N4BP2L2: variants seen among roughly 807,000 people sequenced by gnomAD.
The protein encoded by N4BP2L2 is NEDD4-binding protein 2-like 2.
A neutral mutation model predicts 56.2 loss-of-function variants in N4BP2L2; 50 were observed. That is an observed-to-expected ratio of 0.89 (90% CI 0.71 to 1.13). N4BP2L2 has a LOEUF of 1.13. Among genes scored for constraint, N4BP2L2 ranks in the 50% most tolerant of loss-of-function variants. The pLI is 0.00. For missense variants in N4BP2L2, 689 were observed against 693.8 expected (o/e 0.99, Z 0.08); for synonymous variants, 203 against 223.6 (o/e 0.91, Z 0.82).
At position 32,443,903 on chromosome 13, in the gene N4BP2L2, G is replaced by A; in HGVS notation, c.589C>T (p.Gln197Ter). ...GTCACAAAATCTCCGACTTCATTTT[G>A]TAGACCATCAATGAAGGGATATTCT... is the stretch of plus-strand genomic sequence containing the variant. The change falls in exon 7 of 10, where the codon CAA (glutamine) becomes TAA (stop). Residue 197 changes from glutamine to a stop codon, truncating the protein, a stop_gained. Transcript: ENST00000357505. LOFTEE classifies it high-confidence loss of function. 1 of 1,571,672 alleles carries A rather than the reference G, an allele frequency of 6.4e-7. No homozygotes were observed. Among genetic ancestry groups the A allele is most frequent in the Non-Finnish European group, 8.6e-7 (1 of 1,160,104 alleles).
chr13:32,527,434 T>A (rs1161021769), exon 3 of N4BP2L2: 5 of 1,613,928 alleles, frequency 3.1e-6, no homozygotes, highest in Middle Eastern at 1.6e-4. Flanking sequence ...GTCATGGGCA[T>A]CACCAAGTTG....
chr13:32,457,264 T>C (rs2079132235), intron 6 of N4BP2L2, among the ~76,000 whole-genome samples: 1 of 152,048 alleles, frequency 6.6e-6, no homozygotes. Context: ...ATACACAAAT[T>C]TGGAGAGTTC....
At chr13:32,472,599 C>G (rs2082521293) in intron 6 of N4BP2L2, among the ~76,000 whole-genome samples, 1 of 151,740 alleles carries the variant, frequency 6.6e-6, no homozygotes, top group South Asian at 2.1e-4. Context: ...GATATGCCAC[C>G]TGGCCTAGAG....
chr13:32,521,540 C>T, intron 4 of N4BP2L2, 91 bp from the exon 5 acceptor site: 2 of 816,840 alleles, frequency 2.4e-6, no homozygotes, highest in Non-Finnish European at 4.0e-6. Context: ...TTCGACAATA[C>T]TATACACTTG....
chr13:32,491,930 G>A (rs1490310711), intron 6 of N4BP2L2, among the ~76,000 whole-genome samples: 4 of 151,732 alleles, frequency 2.6e-5, no homozygotes, highest in Non-Finnish European at 5.9e-5. Context: ...GCACCCGGCC[G>A]AAAAAAGTAT....
exon 7 of N4BP2L2, chr13:32,443,973 T>G (rs1593421476): frequency 6.2e-7 from 1 of 1,606,908 alleles, no homozygotes. Flanking sequence ...CACTCTGAGA[T>G]GGGTCCTGAT....
intron 6 of N4BP2L2, among the ~76,000 whole-genome samples, chr13:32,497,378 G>A (rs1374682192): frequency 6.6e-6 from 1 of 152,166 alleles, no homozygotes; most frequent in African/African-American, 2.4e-5. Context: ...TTGCTCCCAA[G>A]ATTTTAGTTT....
intron 6 of N4BP2L2, among the ~76,000 whole-genome samples, chr13:32,459,799 C>T (rs2079680341): frequency 6.6e-6 from 1 of 152,132 alleles, no homozygotes; most frequent in Non-Finnish European, 1.5e-5. Flanking sequence ...GTCCTTACCT[C>T]TTTCTATAAG....
exon 6 of N4BP2L2, chr13:32,517,923 A>G (rs2049610090): frequency 3.7e-6 from 6 of 1,614,028 alleles, no homozygotes; most frequent in Non-Finnish European, 4.2e-6. Context: ...TGAATTCATT[A>G]CAATAGAAAT....
chr13:32,443,043 A>T, exon 7 of N4BP2L2: 1 of 1,607,642 alleles, frequency 6.2e-7, no homozygotes, highest in Non-Finnish European at 8.5e-7. Flanking sequence ...ATAAGTCAAA[A>T]TTTGGTACCA....
chr13:32,468,208 T>C (rs1206145849), intron 6 of N4BP2L2, among the ~76,000 whole-genome samples: 4 of 142,438 alleles, frequency 2.8e-5, no homozygotes, highest in African/African-American at 1.1e-4. Context: ...AGAAAGAAGA[T>C]GAGAGAATGG....
chr13:32,517,134 G>C (rs954863502), exon 6 of N4BP2L2: 1 of 984,904 alleles, frequency 1.0e-6, no homozygotes, highest in Non-Finnish European at 1.2e-6. Flanking sequence ...GAACTGGCAA[G>C]CATGTGGGGT....
chr13:32,536,158 G>A, exon 2 of N4BP2L2: 1 of 1,613,836 alleles, frequency 6.2e-7, no homozygotes, highest in Non-Finnish European at 8.5e-7. Flanking sequence ...ATCTCTGAAT[G>A]TTTAAATGAT....
At chr13:32,440,114 T>A (rs558994076) in intron 7 of N4BP2L2, among the ~76,000 whole-genome samples, 3 of 152,070 alleles carry the variant, frequency 2.0e-5, no homozygotes, top group African/African-American at 7.2e-5. Context: ...ATGATAAATA[T>A]GATGCCAGAG....
rs184449346 is a variant in N4BP2L2 at position 32,437,533 on chromosome 13, C to G, written c.2190+1119G>C. On this transcript the variant is annotated intron_variant, in intron 8 of 9. Transcript: ENST00000357505. The stretch of plus-strand genomic sequence containing the variant: ...CACCCCCACTAGGTTAGGTGAAGTA[C>G]TGGCTTTTCCAGATTTTCTATCATC... 5.3e-5 allele frequency among the ~76,000 whole-genome samples: 8 copies of G among 152,354 alleles called. 1 individual carries two copies. In the East Asian group the frequency reaches 1.5e-3, roughly 29 times the overall value.
exon 2 of N4BP2L2, chr13:32,536,971 A>G: frequency 6.2e-7 from 1 of 1,610,040 alleles, no homozygotes; most frequent in Non-Finnish European, 8.5e-7. Flanking sequence ...AGCGTGGCTC[A>G]CTCGTTACTT....
intron 6 of N4BP2L2, among the ~76,000 whole-genome samples, chr13:32,474,604 G>T (rs1003774683): frequency 2.0e-5 from 3 of 152,078 alleles, no homozygotes; most frequent in Non-Finnish European, 4.4e-5. Context: ...TGAGGCAGGA[G>T]AATCACTTGA....
At chr13:32,442,913 C>T (rs370704283) in exon 7 of N4BP2L2, 1 of 1,612,538 alleles carries the variant, frequency 6.2e-7, no homozygotes. Flanking sequence ...TTATTCTCCT[C>T]TTCACTGTTC....
chr13:32,514,661 ACTGT>A (rs1336870737), exon 6 of N4BP2L2: 1 of 152,232 alleles, frequency 6.6e-6, no homozygotes, highest in South Asian at 2.1e-4. Context: ...CCCAAAAAAG[ACTGT>A]CTGAATAGAA....
Sources: gnomAD v4.1 joint callset for allele counts (sites outside exome capture counted in the v4.1 genomes callset) on GRCh38, gnomAD v4.1.1 for gene constraint, MANE v1.5 for transcripts, NCBI Gene and HGNC (gene_info 2026-07-23, HGNC 2026-07-21) for gene names.